UBE2F: variants seen among roughly 807,000 people sequenced by gnomAD.
UBE2F encodes the protein NEDD8-conjugating enzyme UBE2F.
UBE2F carries 5 observed loss-of-function variants against 29.6 expected under a neutral mutation model. The ratio of observed to expected loss-of-function variants is 0.17; its 90% CI spans 0.09 to 0.36. UBE2F has a LOEUF of 0.36. UBE2F is among the 10% of genes least tolerant of loss of function. UBE2F has a pLI of 1.00. For synonymous variants in UBE2F, 66 were observed against 81.8 expected, an observed-to-expected ratio of 0.81 and a Z score of 1.04; for missense variants, 141 against 228.5, an observed-to-expected ratio of 0.62 and a Z score of 2.47.
intron 2 of UBE2F, among the ~76,000 whole-genome samples, chr2:237,987,192 G>A (rs1409955923): frequency 6.6e-6 from 1 of 152,008 alleles, no homozygotes; most frequent in Non-Finnish European, 1.5e-5. Context: ...ACAGTTTTCA[G>A]TATACAGATC....
At chr2:237,972,968 A>G in intron 1 of UBE2F, 124 bp from the exon 2 acceptor site, 1 of 1,116,454 alleles carries the variant, frequency 9.0e-7, no homozygotes, top group Admixed American at 2.4e-5. Context: ...AATGTGTACA[A>G]ATTTTTTCCA....
chr2:238,000,650 T>G (rs73999350), intron 4 of UBE2F, among the ~76,000 whole-genome samples: 2,356 of 152,338 alleles, frequency 0.015, 69 homozygotes, highest in African/African-American at 0.054. Context: ...CATTTGCCAG[T>G]ATGTTTTTAT....
At position 237,967,932 on chromosome 2, in the gene UBE2F, G is replaced by A. The variant is rs1445710375; in HGVS notation, c.-17+800G>A. On this transcript the variant is annotated intron_variant, in intron 1 of 9. Transcript: ENST00000272930. This position sits in a 1 kb window ranked among gnomAD's most constrained non-coding sequence, Gnocchi z 6.3. Reference sequence around the variant, plus strand: ...CCCACTCTGCATTCCCGACCGCCTGGAAGTGGGGGCAGGATGGGTTGGAAT... The same window carrying A: ...CCCACTCTGCATTCCCGACCGCCTGAAAGTGGGGGCAGGATGGGTTGGAAT... Among the ~76,000 whole-genome samples, 1 of 152,142 alleles carries A rather than the reference G, an allele frequency of 6.6e-6. No homozygotes were observed. Among genetic ancestry groups the A allele is most frequent in the South Asian group, 2.1e-4 (1 of 4,818 alleles).
Position 238,025,382 on chromosome 2 carries a change from A to G in UBE2F, c.323A>G (p.Asn108Ser). Residue 108 changes from asparagine to serine, a missense_variant, in exon 6 of 10, where the codon AAC becomes AGC. By Grantham distance (46) the Asn-to-Ser change is conservative. Transcript: ENST00000272930. ...VKCLTKIWHP[N>S]ITETGEICLS... The stretch of plus-strand genomic sequence containing the variant: ...TGCCTGACCAAGATCTGGCACCCCA[A>G]CATCACAGAGACAGGGGAAATATGT... 1.2e-6 allele frequency: 2 copies of G among 1,614,046 alleles called. No homozygotes were observed. Among genetic ancestry groups the G allele is most frequent in the Non-Finnish European group, 8.5e-7 (1 of 1,179,936 alleles).
intron 9 of UBE2F, among the ~76,000 whole-genome samples, chr2:238,038,844 T>G (rs183907577): frequency 6.6e-6 from 1 of 152,366 alleles, no homozygotes; most frequent in East Asian, 1.9e-4. Context: ...TGACCACTTA[T>G]GTGCCAGGGG....
chr2:238,001,033 CT>C (rs371184007), intron 4 of UBE2F, among the ~76,000 whole-genome samples: 37 of 111,814 alleles, frequency 3.3e-4, no homozygotes, highest in Admixed American at 8.7e-4. Flanking sequence ...AGAGTTTTGC[CT>C]TTTTTTTTTT....
rs770897830 is a variant in UBE2F, at chr2:237,973,121, C to T, written c.14C>T (p.Ala5Val). Residue 5 changes from alanine to valine, a missense_variant, in exon 2 of 10, where the codon GCA (alanine) becomes GTA (valine). Coordinates refer to ENST00000272930, the MANE Select transcript of UBE2F (RefSeq NM_080678.3). ...AAGGCAGCAGTAATGCTAACGCTAG[C>T]AAGTAAACTGAAGCGTGACGATGGT... is the stretch of plus-strand genomic sequence containing the variant. Reference protein sequence around the residue: MLTLASKLKRDDGLK... With the variant: MLTLVSKLKRDDGLK... 6.2e-7 allele frequency: 1 copy of T among 1,613,178 alleles called. No individual in the cohort carries two copies. Among genetic ancestry groups the T allele is most frequent in the South Asian group, 1.1e-5 (1 of 91,066 alleles).
chr2:237,975,880 T>C (rs1037029293), intron 2 of UBE2F, among the ~76,000 whole-genome samples: 1 of 151,844 alleles, frequency 6.6e-6, no homozygotes, highest in African/African-American at 2.4e-5. Flanking sequence ...CTCAAGTGAT[T>C]GCCTGCCTTG....
At chr2:238,000,935 G>A (rs985939636) in intron 4 of UBE2F, among the ~76,000 whole-genome samples, 1 of 151,170 alleles carries the variant, frequency 6.6e-6, no homozygotes, top group Non-Finnish European at 1.5e-5. Context: ...TTTGCTACCT[G>A]TATATCTTCT....
intron 1 of UBE2F, among the ~76,000 whole-genome samples, chr2:237,969,099 G>T (rs1343987089): frequency 1.3e-5 from 2 of 152,182 alleles, no homozygotes; most frequent in Non-Finnish European, 2.9e-5. Context: ...GAATGTTAGA[G>T]AAGTACATTT....
chr2:237,967,491 G>A lies in UBE2F; in HGVS notation c.-17+359G>A, dbSNP rs1280957243. The stretch of plus-strand genomic sequence containing the variant: ...GTGGCACAGACCTGGCCGCGCTCAC[G>A]CCCCACTCGCGGGATCGGCTGCCTG... On this transcript the variant is annotated intron_variant, in intron 1 of 9. Transcript: ENST00000272930. This position sits in a 1 kb window ranked among gnomAD's most constrained non-coding sequence, Gnocchi z 6.3. 6.6e-6 allele frequency among the ~76,000 whole-genome samples: 1 copy of A among 152,096 alleles called. No individual in the cohort carries two copies. Among genetic ancestry groups the A allele is most frequent in the African/African-American group, 2.4e-5 (1 of 41,442 alleles).
chr2:238,011,707 T>C (rs2064034169), intron 4 of UBE2F, among the ~76,000 whole-genome samples: 1 of 152,240 alleles, frequency 6.6e-6, no homozygotes, highest in Admixed American at 6.5e-5. Context: ...TATTTTATGC[T>C]AGAAACAAAG....
At chr2:237,970,127 G>A (rs1188443218) in intron 1 of UBE2F, among the ~76,000 whole-genome samples, 1 of 152,306 alleles carries the variant, frequency 6.6e-6, no homozygotes, top group East Asian at 1.9e-4. Flanking sequence ...CACTTTGGGA[G>A]GCTGAGGCAG....
In UBE2F at chr2:237,982,029, TGTGGTAA is replaced by T. The variant is rs1171348236; in HGVS notation, c.119-5933_119-5927del. ...TTTAAAAGCTCAGCAGGTACTGGAT[TGTGGTAA>T]TGGATCCATAGCTCCAAAATGTACT... On this transcript the variant is annotated intron_variant, in intron 2 of 9. Transcript: ENST00000272930. The surrounding 1 kb of genome is among the most constrained non-coding windows in gnomAD (Gnocchi z 4.1). Among the ~76,000 whole-genome samples the T allele has an allele frequency of 6.6e-6, 1 of 152,138 alleles. No homozygotes were observed. The highest frequency in any genetic ancestry group is 1.9e-4 in the East Asian group (1 of 5,192).
At chr2:238,034,572 G>T (rs1215329823) in intron 8 of UBE2F, among the ~76,000 whole-genome samples, 1 of 152,220 alleles carries the variant, frequency 6.6e-6, no homozygotes, top group Admixed American at 6.5e-5. Context: ...TTTATCTTAG[G>T]TCTAACATAT....
chr2:238,020,014 G>T (rs1283658499), intron 5 of UBE2F, among the ~76,000 whole-genome samples: 1 of 152,062 alleles, frequency 6.6e-6, no homozygotes, highest in East Asian at 1.9e-4. Context: ...GCAAGTGTGG[G>T]GCAACTTCTA....
intron 3 of UBE2F, among the ~76,000 whole-genome samples, chr2:237,993,034 C>G (rs2063621438): frequency 6.6e-6 from 1 of 151,668 alleles, no homozygotes; most frequent in Non-Finnish European, 1.5e-5. Flanking sequence ...GTTGCCCAGG[C>G]TGGAGGGCAG....
chr2:238,009,071 C>T (rs1282226018), intron 4 of UBE2F, among the ~76,000 whole-genome samples: 1 of 152,224 alleles, frequency 6.6e-6, no homozygotes, highest in Admixed American at 6.5e-5. Flanking sequence ...CTACTGCCTT[C>T]TGTATTTTTT....
intron 5 of UBE2F, among the ~76,000 whole-genome samples, chr2:238,024,141 A>C (rs1444572299): frequency 6.6e-6 from 1 of 152,230 alleles, no homozygotes; most frequent in African/African-American, 2.4e-5. Context: ...TGGCCTAGAA[A>C]AGAGGCATAA....
Sources: allele counts gnomAD v4.1 joint callset (sites outside exome capture counted in the v4.1 genomes callset), GRCh38; gene constraint gnomAD v4.1.1; non-coding constraint Gnocchi (gnomAD v3.1); transcripts MANE v1.5; gene names NCBI Gene and HGNC (gene_info 2026-07-23, HGNC 2026-07-21).